The following CDH8 variants were observed in gnomAD, a reference collection of about 807,000 sequenced individuals.
The protein encoded by CDH8 is cadherin-8.
CDH8 carries 17 observed loss-of-function variants against 68.1 expected under a neutral mutation model. That is an observed-to-expected ratio of 0.25 (90% CI 0.17 to 0.37). CDH8 has a LOEUF of 0.37. CDH8 is among the 10% of genes least tolerant of loss of function. The pLI, the probability that CDH8 is intolerant of heterozygous loss-of-function variation, is 1.00. For missense variants in CDH8, 763 were observed against 999.3 expected (o/e 0.76, Z 3.19); for synonymous variants, 372 against 365.1 (o/e 1.02, Z -0.21).
intron 9 of CDH8, among the ~76,000 whole-genome samples, chr16:61,717,868 T>A (rs1303112908): frequency 6.6e-6 from 1 of 151,522 alleles, no homozygotes; most frequent in Non-Finnish European, 1.5e-5. Flanking sequence ...TCATCATTTA[T>A]CCTCACAATA....
chr16:61,793,371 A>T (rs1367687771), intron 7 of CDH8, among the ~76,000 whole-genome samples: 2 of 151,854 alleles, frequency 1.3e-5, no homozygotes, highest in African/African-American at 4.8e-5. Context: ...TCTTAAGCCT[A>T]GTATCCATTA....
At chr16:61,848,496 G>C (rs1962866554) in intron 4 of CDH8, among the ~76,000 whole-genome samples, 1 of 152,072 alleles carries the variant, frequency 6.6e-6, no homozygotes, top group Non-Finnish European at 1.5e-5. Context: ...ACTGTTCTAT[G>C]TGCTTGGAGT....
chr16:61,653,621 T>A lies in CDH8; in HGVS notation c.2387A>T (p.Asp796Val). 6.2e-7 allele frequency: 1 copy of A among 1,608,010 alleles called. No homozygotes were observed. Among genetic ancestry groups the A allele is most frequent in the Non-Finnish European group, 8.5e-7 (1 of 1,177,766 alleles). Residue 796 changes from aspartate to valine, a missense_variant, in exon 12 of 12, where the codon GAC becomes GTC. Physicochemically the swap from Asp to Val is radical, Grantham distance 152. This residue lies in a region of CDH8 where 397 missense variants were observed against 436.2 expected (regional missense o/e 0.91). Coordinates refer to ENST00000577390, the MANE Select transcript of CDH8 (RefSeq NM_001796.5). ...TATAATCCACTGTCAAGTTTCTTTG[T>A]CACTTTCACCAACAGAGTAGAGTTC... ...LGELYSVGES[D>V]KET
At chr16:61,933,471 A>T (rs1964577778) in intron 2 of CDH8, among the ~76,000 whole-genome samples, 1 of 152,240 alleles carries the variant, frequency 6.6e-6, no homozygotes, top group Non-Finnish European at 1.5e-5. Flanking sequence ...AATCATTCAC[A>T]TTCCAGTGTG....
intron 4 of CDH8, among the ~76,000 whole-genome samples, chr16:61,832,331 A>AATAGATAGATAGATAG (rs35346881): frequency 8.6e-4 from 123 of 143,190 alleles, no homozygotes; most frequent in East Asian, 2.3e-3. Flanking sequence ...ACAGATAGAT[A>AATAGATAGATAGATAG]ATAGATAGAT....
chr16:61,749,319 G>C (rs1245351746), intron 8 of CDH8, among the ~76,000 whole-genome samples: 2 of 151,980 alleles, frequency 1.3e-5, no homozygotes, highest in African/African-American at 4.8e-5. Context: ...CATGAATCTT[G>C]CAAGGGTTTG....
chr16:61,800,012 G>A (rs1322675213), intron 7 of CDH8, among the ~76,000 whole-genome samples: 1 of 152,060 alleles, frequency 6.6e-6, no homozygotes, highest in African/African-American at 2.4e-5. Flanking sequence ...AGGGTCAAGT[G>A]ATCCTCTTGC....
intron 4 of CDH8, among the ~76,000 whole-genome samples, chr16:61,829,146 CT>C (rs1213628540): frequency 1.3e-5 from 2 of 151,828 alleles, no homozygotes; most frequent in African/African-American, 4.8e-5. Flanking sequence ...GTGCAACTGG[CT>C]CCCCCAAAGA....
intron 3 of CDH8, among the ~76,000 whole-genome samples, chr16:61,864,579 C>T (rs1597026927): frequency 6.6e-6 from 1 of 152,238 alleles, no homozygotes; most frequent in East Asian, 1.9e-4. Context: ...CAGTATTTTT[C>T]AGTTTTGCTA....
intron 10 of CDH8, among the ~76,000 whole-genome samples, chr16:61,677,958 A>G (rs1297904362): frequency 6.6e-6 from 1 of 151,968 alleles, no homozygotes; most frequent in Non-Finnish European, 1.5e-5. Flanking sequence ...AAACCTTTAC[A>G]ATCTATTCTC....
intron 10 of CDH8, among the ~76,000 whole-genome samples, chr16:61,681,093 A>G (rs2142800308): frequency 6.6e-6 from 1 of 152,058 alleles, no homozygotes; most frequent in Admixed American, 6.6e-5. Flanking sequence ...ACAATGGGGT[A>G]GTCACTTTGG....
chr16:62,031,248 A>C (rs575357087), intron 1 of CDH8, among the ~76,000 whole-genome samples: 1 of 152,310 alleles, frequency 6.6e-6, no homozygotes, highest in South Asian at 2.1e-4. Context: ...TGAGAGAACA[A>C]AAATATGCTT....
Position 61,789,418 on chromosome 16 carries a change from T to G in CDH8, c.1342A>C (p.Ile448Leu), listed in dbSNP as rs1961324621. Residue 448 changes from isoleucine (I) to leucine (L), a missense_variant, in exon 8 of 12, where the codon ATA becomes CTA. Around this residue, in one of 2 missense-constraint regions of CDH8, gnomAD observed 366 missense variants for 563.1 expected, o/e 0.65. Transcript: ENST00000577390. ...CTGTCAAGTGGTGTTGCCAGCGTTA[T>G]CTTCCCATCGTCTGCATTAATGTTG... ...QFNINADDGK[I>L]TLATPLDREL... The G allele has an allele frequency of 1.2e-6, 2 of 1,613,134 alleles. No homozygotes were observed. Among genetic ancestry groups the G allele is most frequent in the Non-Finnish European group, 1.7e-6 (2 of 1,179,420 alleles).
At chr16:61,872,004 G>T (rs971086170) in intron 3 of CDH8, among the ~76,000 whole-genome samples, 1 of 152,020 alleles carries the variant, frequency 6.6e-6, no homozygotes, top group African/African-American at 2.4e-5. Context: ...TCTCTACCAG[G>T]ACTAGAATCC....
intron 2 of CDH8, among the ~76,000 whole-genome samples, chr16:61,998,823 A>G (rs1206022593): frequency 6.6e-6 from 1 of 152,182 alleles, no homozygotes; most frequent in Non-Finnish European, 1.5e-5. Flanking sequence ...GATTCCAAAG[A>G]TCATTTTCTC....
chr16:61,942,404 G>C (rs1964738634), intron 2 of CDH8, among the ~76,000 whole-genome samples: 1 of 152,184 alleles, frequency 6.6e-6, no homozygotes, highest in Non-Finnish European at 1.5e-5. Context: ...GGCTGAGATG[G>C]GAGAATTGCT....
rs187687571 is a variant in CDH8 at position 62,004,403 on chromosome 16, A to T, written c.252+16749T>A. On this transcript the variant is annotated intron_variant, in intron 2 of 11. Transcript: ENST00000577390. ...AATCCTCCAGGCTACCATATTTCTC[A>T]GTGAAAAAGATACAAGCCTGGACTC... is the stretch of plus-strand genomic sequence containing the variant. 1.9e-4 allele frequency among the ~76,000 whole-genome samples: 29 copies of T among 152,306 alleles called. No homozygotes were observed. The East Asian group carries it at 2.7e-3, about 14-fold the overall frequency.
intron 2 of CDH8, among the ~76,000 whole-genome samples, chr16:61,934,775 G>A (rs918316903): frequency 6.6e-6 from 1 of 152,106 alleles, no homozygotes; most frequent in Non-Finnish European, 1.5e-5. Context: ...AGACACGCTT[G>A]TAGAATTATT....
chr16:61,763,505 G>A (rs563763097), intron 8 of CDH8, among the ~76,000 whole-genome samples: 10 of 152,196 alleles, frequency 6.6e-5, no homozygotes, highest in South Asian at 2.1e-4. Flanking sequence ...CACACTAACC[G>A]TAAAATAATA....
Sources: gnomAD v4.1 joint callset for allele counts (sites outside exome capture counted in the v4.1 genomes callset) on GRCh38, gnomAD v4.1.1 for gene constraint, gnomAD v4.1.1 regional missense constraint, MANE v1.5 for transcripts, NCBI Gene and HGNC (gene_info 2026-07-23, HGNC 2026-07-21) for gene names.